Variants in CENPE observed in about 807,000 individuals in gnomAD.
CENPE encodes centromere protein E.
Under a neutral mutation model 336.1 loss-of-function variants are expected in CENPE, and 145 were observed. The ratio of observed to expected loss-of-function variants is 0.43; its 90% confidence interval spans 0.38 to 0.50. The LOEUF is 0.50. CENPE is among the 20% of genes least tolerant of loss of function. The pLI is 0.00. For synonymous variants in CENPE, 1,013 were observed against 984.8 expected (o/e 1.03, Z -0.54); for missense variants, 2,719 against 3,023.3 (o/e 0.90, Z 2.36).
intron 36 of CENPE, 98 bp from the exon 37 acceptor site, chr4:103,140,512 C>A: frequency 1.1e-6 from 1 of 932,312 alleles, no homozygotes; most frequent in South Asian, 2.0e-5. Context: ...ATTATACACT[C>A]ACAGTTAAAA....
At chr4:103,117,479 C>T (rs569021938) in intron 44 of CENPE, among the ~76,000 whole-genome samples, 8 of 152,070 alleles carry the variant, frequency 5.3e-5, no homozygotes, top group Non-Finnish European at 1.2e-4. Flanking sequence ...TCCATTATCC[C>T]TGGCAACTGT....
chr4:103,139,471 C>T (rs532652168), intron 38 of CENPE, among the ~76,000 whole-genome samples: 3 of 152,090 alleles, frequency 2.0e-5, no homozygotes, highest in South Asian at 2.1e-4. Context: ...TGCTCTCTTA[C>T]AAATCTAATC....
intron 16 of CENPE, 95 bp from the exon 17 acceptor site, chr4:103,163,648 G>T (rs574249670): frequency 1.1e-5 from 6 of 548,068 alleles, no homozygotes; most frequent in Non-Finnish European, 1.9e-5. Context: ...AAAGGGCACT[G>T]GTTCACTGCT....
intron 39 of CENPE, among the ~76,000 whole-genome samples, chr4:103,137,614 A>G (rs971673571): frequency 3.3e-5 from 5 of 152,178 alleles, no homozygotes; most frequent in Non-Finnish European, 7.3e-5. Context: ...ATGTAGTCAT[A>G]AACAAAACAA....
Position 103,161,427 on chromosome 4 carries a change from G to T in CENPE, c.1873C>A (p.Gln625Lys). 6.2e-7 allele frequency: 1 copy of T among 1,611,708 alleles called. No individual in the cohort carries two copies. Among genetic ancestry groups the T allele is most frequent in the Non-Finnish European group, 8.5e-7 (1 of 1,179,026 alleles). The change falls in exon 19 of 49, where the codon CAG becomes AAG. Residue 625 changes from glutamine (Q) to lysine (K), a missense_variant. Around this residue, in one of 5 missense-constraint regions of CENPE, gnomAD observed 2,437 missense variants for 2,513.3 expected, o/e 0.97. Transcript: ENST00000265148. Reference protein sequence around the residue: ...ESIEDPKQMKQTLFDAETVAL... With the variant: ...ESIEDPKQMKKTLFDAETVAL... ...ACAGTTTCAGCATCAAACAGAGTCT[G>T]CTTCATTTGTTTTGGGTCTTCAATG...
At chr4:103,116,958 T>G (rs1415093189) in intron 44 of CENPE, among the ~76,000 whole-genome samples, 1 of 152,130 alleles carries the variant, frequency 6.6e-6, no homozygotes, top group Non-Finnish European at 1.5e-5. Flanking sequence ...TTAAAATAAA[T>G]ATTTTTTTTC....
At chr4:103,177,432 T>C (rs575166120) in intron 13 of CENPE, among the ~76,000 whole-genome samples, 1 of 151,964 alleles carries the variant, frequency 6.6e-6, no homozygotes, top group Non-Finnish European at 1.5e-5. Context: ...ATTCTTCTCT[T>C]GACTCTTTAC....
At chr4:103,114,400 T>A in intron 46 of CENPE, 55 bp downstream of exon 46, 1 of 1,029,960 alleles carries the variant, frequency 9.7e-7, no homozygotes, top group Non-Finnish European at 1.5e-6. Flanking sequence ...CTTCAAAGTC[T>A]GTTGTGTGTT....
intron 47 of CENPE, among the ~76,000 whole-genome samples, chr4:103,109,563 G>C (rs1273327097): frequency 2.6e-5 from 4 of 152,114 alleles, no homozygotes; most frequent in Non-Finnish European, 5.9e-5. Flanking sequence ...AGTTCCTCCG[G>C]AGAGAAACCT....
Position 103,114,110 on chromosome 4 carries a change from C to T in CENPE, c.7540+345G>A, listed in dbSNP as rs78651337. 8.9e-4 allele frequency among the ~76,000 whole-genome samples: 135 copies of T among 152,154 alleles called. 1 individual carries two copies. The highest frequency in any genetic ancestry group is 2.8e-3 in the African/African-American group (116 of 41,518). On this transcript the variant is annotated intron_variant, in intron 46 of 48. Coordinates refer to ENST00000265148, the MANE Select transcript of CENPE (RefSeq NM_001813.3). ...ATTAGATGCATACAATTAAAATCTA[C>T]GAAGACATGTGTTTCGTTTTATTGG...
At position 103,153,068 on chromosome 4, in the gene CENPE, G is replaced by T; in HGVS notation, c.3216C>A (p.Asp1072Glu). The change falls in exon 25 of 49, where the codon GAC (aspartate) becomes GAA (glutamate). Residue 1072 changes from aspartate (D) to glutamate (E), a missense_variant. Physicochemically the swap from Asp to Glu is conservative, Grantham distance 45. Transcript: ENST00000265148. Reference protein sequence around the residue: ...VIAEKEQLKTDLKENIEMTIE... With the variant: ...VIAEKEQLKTELKENIEMTIE... ...CTACCATTTCAATATTTTCCTTTAG[G>T]TCAGTCTTCAATTGTTCCTTTTCTG... is the stretch of plus-strand genomic sequence containing the variant. 6.2e-7 allele frequency: 1 copy of T among 1,611,548 alleles called. No homozygotes were observed. The highest frequency in any genetic ancestry group is 8.5e-7 in the Non-Finnish European group (1 of 1,178,864).
At chr4:103,143,118 T>C (rs1015711335) in intron 34 of CENPE, 130 bp downstream of exon 34, 1 of 568,766 alleles carries the variant, frequency 1.8e-6, no homozygotes. Context: ...AGATCAATGA[T>C]AGTTTCTAAA....
chr4:103,189,593 A>C (rs572227851), intron 8 of CENPE, among the ~76,000 whole-genome samples: 51 of 152,002 alleles, frequency 3.4e-4, no homozygotes, highest in Non-Finnish European at 5.7e-4. Context: ...ATTCAACAAC[A>C]CTTCATGCTA....
Position 103,145,990 on chromosome 4 carries a change from T to C in CENPE, c.4252A>G (p.Arg1418Gly). 1 of 1,613,976 alleles carries C rather than the reference T, an allele frequency of 6.2e-7. No homozygotes were observed. Among genetic ancestry groups the C allele is most frequent in the South Asian group, 1.1e-5 (1 of 91,074 alleles). Residue 1418 changes from arginine (R) to glycine (G), a missense_variant, in exon 30 of 49, where the codon AGG becomes GGG. Transcript: ENST00000265148. ...QFKPKDSALL[R>G]IEIEMLGLSK... ...AATCCGAGCATTTCTATTTCTATCC[T>C]TAGTAGTGCTGAATCTTTGGGTTTG...
At chr4:103,150,185 T>G (rs1429446756) in intron 26 of CENPE, among the ~76,000 whole-genome samples, 1 of 152,206 alleles carries the variant, frequency 6.6e-6, no homozygotes, top group East Asian at 1.9e-4. Context: ...CACAGGCTAT[T>G]GATTTTACCT....
chr4:103,137,277 T>C (rs935382748), intron 39 of CENPE, among the ~76,000 whole-genome samples: 14 of 152,096 alleles, frequency 9.2e-5, no homozygotes, highest in Non-Finnish European at 1.6e-4. Context: ...TGGCATACAG[T>C]AGACATGCAA....
chr4:103,142,596 A>C (rs1386480104), intron 34 of CENPE, among the ~76,000 whole-genome samples: 1 of 152,150 alleles, frequency 6.6e-6, no homozygotes, highest in Non-Finnish European at 1.5e-5. Flanking sequence ...GTTTTCATGA[A>C]GCTTCTGAGT....
At chr4:103,156,149 A>G (rs1437168007) in intron 24 of CENPE, among the ~76,000 whole-genome samples, 1 of 152,224 alleles carries the variant, frequency 6.6e-6, no homozygotes, top group Non-Finnish European at 1.5e-5. Context: ...TATTTTTAAG[A>G]CATCAATACT....
rs1578634297 is a variant in CENPE at position 103,160,668 on chromosome 4, T to G, written c.2243A>C (p.Glu748Ala). 1.3e-5 allele frequency: 21 copies of G among 1,611,236 alleles called. No individual in the cohort carries two copies. Among genetic ancestry groups the G allele is most frequent in the Non-Finnish European group, 1.8e-5 (21 of 1,178,590 alleles). ...ALREEVILLSELKSLPSEVER... is the reference protein window; with the variant it reads ...ALREEVILLSALKSLPSEVER... The stretch of plus-strand genomic sequence containing the variant: ...TACTTCAGAAGGTAAAGATTTCAAT[T>G]CTGAAAGCAAAATGACTTCTTCCCG... The change falls in exon 21 of 49, where the codon GAA (glutamate) becomes GCA (alanine). Residue 748 changes from glutamate to alanine, a missense_variant. By Grantham distance (107) the Glu-to-Ala change is moderately radical. This residue lies in a region of CENPE where 2,437 missense variants were observed against 2,513.3 expected (regional missense o/e 0.97). Coordinates refer to ENST00000265148, the MANE Select transcript of CENPE (RefSeq NM_001813.3).
Sources: gnomAD v4.1 joint callset for allele counts (sites outside exome capture counted in the v4.1 genomes callset) on GRCh38, gnomAD v4.1.1 for gene constraint, gnomAD v4.1.1 regional missense constraint, MANE v1.5 for transcripts, NCBI Gene and HGNC (gene_info 2026-07-23, HGNC 2026-07-21) for gene names.